Variants in FOXO3 observed in about 807,000 individuals in gnomAD.
FOXO3 encodes the protein forkhead box O3, also known as forkhead box protein O3.
A neutral mutation model predicts 41.9 loss-of-function variants in FOXO3; 4 were observed. The ratio of observed to expected loss-of-function variants is 0.10; its 90% confidence interval spans 0.05 to 0.22. FOXO3 has a LOEUF of 0.22. FOXO3 is among the 10% of genes least tolerant of loss of function. The pLI is 1.00. For missense variants in FOXO3, 534 were observed against 906.8 expected (o/e 0.59, Z 5.28); for synonymous variants, 318 against 389.3 (o/e 0.82, Z 2.16).
chr6:108,623,352 T>C (rs558368950), intron 1 of FOXO3, among the ~76,000 whole-genome samples: 2 of 152,044 alleles, frequency 1.3e-5, no homozygotes, highest in East Asian at 3.9e-4. Context: ...GGCAGATAGG[T>C]TTTACTGAAC....
At chr6:108,648,775 G>C (rs899178038) in intron 1 of FOXO3, among the ~76,000 whole-genome samples, 2 of 151,798 alleles carry the variant, frequency 1.3e-5, no homozygotes, top group African/African-American at 4.8e-5. Context: ...TAGGAGGTTC[G>C]CTTGAGGCCT....
At chr6:108,621,647 A>C (rs187440331) in intron 1 of FOXO3, among the ~76,000 whole-genome samples, 1 of 152,070 alleles carries the variant, frequency 6.6e-6, no homozygotes, top group Admixed American at 6.5e-5. Flanking sequence ...CCCACAGCAG[A>C]TGTGTCCAGC....
intron 1 of FOXO3, among the ~76,000 whole-genome samples, chr6:108,642,550 G>A (rs1778288877): frequency 6.6e-6 from 1 of 152,128 alleles, no homozygotes. Flanking sequence ...TACAAAGGTT[G>A]TAGTTTAGAA....
In FOXO3 at chr6:108,684,604, A is replaced by T. The variant is rs1447701540; in HGVS notation, c.*4812A>T. The T allele has an allele frequency of 6.6e-6, 1 of 152,670 alleles. No homozygotes were observed. The allele number at this position is 152,670 out of a possible 1,614,324, so 9.5% of individuals were successfully genotyped here. Reference sequence around the variant, plus strand: ...ACTCTGCCGCCTTTCTTAAGGATCAAAACCAGTTTGATTTGGGAATCTTCC... The same window carrying T: ...ACTCTGCCGCCTTTCTTAAGGATCATAACCAGTTTGATTTGGGAATCTTCC... On this transcript the variant is annotated 3_prime_UTR_variant, in exon 3 of 3. Transcript: ENST00000406360.
chr6:108,651,248 T>G (rs543549566), intron 1 of FOXO3, among the ~76,000 whole-genome samples: 52 of 152,356 alleles, frequency 3.4e-4, no homozygotes, highest in African/African-American at 1.1e-3. Context: ...TTTCTCTGCT[T>G]CTTTCACTGG....
intron 2 of FOXO3, among the ~76,000 whole-genome samples, chr6:108,673,259 G>A (rs1255968775): frequency 7.9e-5 from 12 of 152,204 alleles, no homozygotes; most frequent in Non-Finnish European, 2.9e-5. Context: ...TGCCCCATGG[G>A]AGGCAGCCCC....
intron 1 of FOXO3, among the ~76,000 whole-genome samples, chr6:108,567,292 G>A (rs868382323): frequency 5.3e-5 from 8 of 152,118 alleles, no homozygotes; most frequent in African/African-American, 1.4e-4. Flanking sequence ...CAAAACCACC[G>A]TACCATGGCT....
chr6:108,599,765 C>T (rs554849396), intron 1 of FOXO3, among the ~76,000 whole-genome samples: 48 of 152,332 alleles, frequency 3.2e-4, no homozygotes, highest in African/African-American at 1.1e-3. Flanking sequence ...CATATATCAT[C>T]GTTTCTGTTA....
intron 1 of FOXO3, among the ~76,000 whole-genome samples, chr6:108,562,938 T>G (rs1775856037): frequency 6.6e-6 from 1 of 152,224 alleles, no homozygotes; most frequent in Non-Finnish European, 1.5e-5. Context: ...CAAAGAGTCC[T>G]GTGCGATTGG....
chr6:108,639,028 G>A, intron 1 of FOXO3, among the ~76,000 whole-genome samples: 1 of 152,144 alleles, frequency 6.6e-6, no homozygotes, highest in East Asian at 1.9e-4. Flanking sequence ...TCCTTGGGAG[G>A]CTGGGCTCCC....
At chr6:108,657,168 TAA>T (rs757800133) in intron 1 of FOXO3, among the ~76,000 whole-genome samples, 1 of 152,176 alleles carries the variant, frequency 6.6e-6, no homozygotes, top group East Asian at 1.9e-4. Context: ...AAAAATGAAA[TAA>T]AGAGTATTCT....
intron 1 of FOXO3, among the ~76,000 whole-genome samples, chr6:108,643,433 C>T (rs1027754381): frequency 7.2e-5 from 11 of 152,308 alleles, no homozygotes; most frequent in Middle Eastern, 3.4e-3. Context: ...GAGGAGTGCT[C>T]ACTCCTTCAA....
chr6:108,665,689 A>C (rs1417763833), intron 2 of FOXO3, among the ~76,000 whole-genome samples: 1 of 151,970 alleles, frequency 6.6e-6, no homozygotes. Context: ...GGGTGTGGTG[A>C]CACATACCTG....
chr6:108,635,515 G>C (rs1342590441), intron 1 of FOXO3, among the ~76,000 whole-genome samples: 3 of 152,138 alleles, frequency 2.0e-5, no homozygotes, highest in Non-Finnish European at 4.4e-5. Flanking sequence ...GTTATATTCT[G>C]TGTAATTTTG....
chr6:108,605,622 G>T (rs1292093073), intron 1 of FOXO3, among the ~76,000 whole-genome samples: 1 of 152,182 alleles, frequency 6.6e-6, no homozygotes, highest in African/African-American at 2.4e-5. Context: ...TAAAGAGTGG[G>T]ATTACAGGTC....
chr6:108,599,160 T>C (rs1776975360), intron 1 of FOXO3, among the ~76,000 whole-genome samples: 1 of 152,190 alleles, frequency 6.6e-6, no homozygotes. Context: ...ATTATTCCTG[T>C]TAATAAGTAA....
chr6:108,576,637 A>G (rs1254542465), intron 1 of FOXO3, among the ~76,000 whole-genome samples: 2 of 152,232 alleles, frequency 1.3e-5, no homozygotes, highest in Non-Finnish European at 2.9e-5. Context: ...AAGTTTTCTC[A>G]TCAGCCAAAA....
intron 1 of FOXO3, among the ~76,000 whole-genome samples, chr6:108,649,361 C>T (rs1778485173): frequency 6.6e-6 from 1 of 152,078 alleles, no homozygotes; most frequent in African/African-American, 2.4e-5. Flanking sequence ...ATAGTCCTAC[C>T]TTGAAAGATA....
At chr6:108,669,433 A>G (rs1779152607) in intron 2 of FOXO3, among the ~76,000 whole-genome samples, 2 of 152,150 alleles carry the variant, frequency 1.3e-5, no homozygotes, top group Admixed American at 1.3e-4. Context: ...ATTGATGTAG[A>G]TATTTCTGTT....
Sources: gnomAD v4.1 joint callset for allele counts (sites outside exome capture counted in the v4.1 genomes callset) on GRCh38, gnomAD v4.1.1 for gene constraint, MANE v1.5 for transcripts, NCBI Gene and HGNC (gene_info 2026-07-23, HGNC 2026-07-21) for gene names.